The following FOXP1 variants were observed in gnomAD, a reference collection of about 807,000 sequenced individuals.
FOXP1 encodes forkhead box protein P1.
FOXP1 carries 15 observed loss-of-function variants against 98.2 expected under a neutral mutation model. The observed-to-expected ratio is 0.15, with a 90% confidence interval of 0.10 to 0.24. FOXP1 has a LOEUF of 0.24. Among genes scored for constraint, FOXP1 ranks in the 10% least tolerant of loss-of-function variants. FOXP1 has a pLI of 1.00. For missense variants in FOXP1, 633 were observed against 848.5 expected, an observed-to-expected ratio of 0.75 and a Z score of 3.15; for synonymous variants, 371 against 314.5, an observed-to-expected ratio of 1.18 and a Z score of -1.90.
intron 7 of FOXP1, among the ~76,000 whole-genome samples, chr3:71,079,700 C>T (rs2054208240): frequency 6.6e-6 from 1 of 152,186 alleles, no homozygotes. Context: ...GGGTTATTCC[C>T]ACTTATTACC....
chr3:71,506,173 T>C (rs1215867280), intron 2 of FOXP1, among the ~76,000 whole-genome samples: 1 of 152,190 alleles, frequency 6.6e-6, no homozygotes, highest in East Asian at 1.9e-4. Context: ...CCACTGAGCC[T>C]TAGTTCGCAG....
intron 20 of FOXP1, among the ~76,000 whole-genome samples, chr3:70,960,736 C>T (rs2033193511): frequency 6.6e-6 from 1 of 152,056 alleles, no homozygotes; most frequent in African/African-American, 2.4e-5. Context: ...CAGAGGAGTG[C>T]TTTGGACTGC....
At chr3:71,162,099 T>C (rs1478854932) in intron 6 of FOXP1, among the ~76,000 whole-genome samples, 4 of 152,202 alleles carry the variant, frequency 2.6e-5, no homozygotes, top group African/African-American at 7.2e-5. Context: ...CCAATCGAAG[T>C]AGACACCAAG....
chr3:71,009,536 A>C (rs1252191614), intron 12 of FOXP1, among the ~76,000 whole-genome samples: 1 of 152,116 alleles, frequency 6.6e-6, no homozygotes, highest in East Asian at 1.9e-4. Context: ...TCTGATTAAA[A>C]CATTCTATTA....
chr3:70,960,355 C>A (rs564463827), intron 20 of FOXP1, among the ~76,000 whole-genome samples: 17 of 152,250 alleles, frequency 1.1e-4, no homozygotes, highest in Non-Finnish European at 2.2e-4. Context: ...GTAGCAGCCA[C>A]TGGGATGAGC....
chr3:71,056,301 A>C (rs1194907365), intron 7 of FOXP1, among the ~76,000 whole-genome samples: 2 of 152,240 alleles, frequency 1.3e-5, no homozygotes, highest in Admixed American at 6.5e-5. Flanking sequence ...CAATAATAAA[A>C]GGGGGAATCA....
intron 4 of FOXP1, among the ~76,000 whole-genome samples, chr3:71,325,206 C>A (rs2075617962): frequency 6.6e-6 from 1 of 152,104 alleles, no homozygotes; most frequent in Non-Finnish European, 1.5e-5. Flanking sequence ...GCATAAACCA[C>A]CACACCCGGA....
At position 71,346,849 on chromosome 3, in the gene FOXP1, T is replaced by A. The variant is rs1205955945; in HGVS notation, c.-73+12301A>T. Among the ~76,000 whole-genome samples, 3 of 152,082 alleles carry A rather than the reference T, an allele frequency of 2.0e-5. No homozygotes were observed. The South Asian group carries it at 6.2e-4, about 32-fold the overall frequency. On this transcript the variant is annotated intron_variant, in intron 4 of 20. Transcript: ENST00000649528. Reference sequence around the variant, plus strand: ...TCATGAGGTCAAGAGATAGAGACTATCCTGGCTAACATGGTGAAACCCGTC... The same window carrying A: ...TCATGAGGTCAAGAGATAGAGACTAACCTGGCTAACATGGTGAAACCCGTC...
At chr3:71,123,892 C>T (rs1028746038) in intron 6 of FOXP1, among the ~76,000 whole-genome samples, 1 of 152,094 alleles carries the variant, frequency 6.6e-6, no homozygotes, top group African/African-American at 2.4e-5. Context: ...TATTGCCAGA[C>T]AAGTACTAAA....
intron 4 of FOXP1, among the ~76,000 whole-genome samples, chr3:71,316,721 G>A (rs1298764343): frequency 4.6e-5 from 7 of 150,780 alleles, no homozygotes; most frequent in South Asian, 2.1e-4. Flanking sequence ...GCAGTGGTGC[G>A]ATCTCAGCTC....
At chr3:71,080,796 C>G (rs2054324890) in intron 7 of FOXP1, among the ~76,000 whole-genome samples, 1 of 152,180 alleles carries the variant, frequency 6.6e-6, no homozygotes, top group Admixed American at 6.5e-5. Context: ...TGAAGTCACT[C>G]CAAGCAACCA....
intron 2 of FOXP1, among the ~76,000 whole-genome samples, chr3:71,494,911 C>G (rs1168061492): frequency 7.2e-6 from 1 of 139,828 alleles, no homozygotes; most frequent in Non-Finnish European, 1.5e-5. Context: ...AAGTCTATGT[C>G]ACATAGAAAA....
intron 4 of FOXP1, among the ~76,000 whole-genome samples, chr3:71,316,172 T>C (rs2075062261): frequency 6.6e-6 from 1 of 152,066 alleles, no homozygotes; most frequent in Non-Finnish European, 1.5e-5. Flanking sequence ...AGGGATGGTG[T>C]TTAATTGCTA....
At chr3:71,308,603 T>C (rs1337753983) in intron 4 of FOXP1, among the ~76,000 whole-genome samples, 1 of 152,034 alleles carries the variant, frequency 6.6e-6, no homozygotes, top group African/African-American at 2.4e-5. Context: ...AGGTTCCAAC[T>C]AAAACTGGAA....
chr3:71,316,142 T>C (rs975588784), intron 4 of FOXP1, among the ~76,000 whole-genome samples: 2 of 152,188 alleles, frequency 1.3e-5, no homozygotes, highest in Non-Finnish European at 2.9e-5. Flanking sequence ...GGCTCGTCAC[T>C]GGTACAAGGT....
At position 71,131,081 on chromosome 3, in the gene FOXP1, A is replaced by G. The variant is rs188726807; in HGVS notation, c.181-18444T>C. 9.8e-4 allele frequency: 267 copies of G among 272,498 alleles called. 1 individual carries two copies. Among genetic ancestry groups the G allele is most frequent in the Non-Finnish European group, 1.3e-3 (230 of 178,446 alleles). The allele number at this position is 272,498 out of a possible 1,614,324, so 16.9% of individuals were successfully genotyped here. ...AAAAAAGAAGAAGAAGAAAATTCAG[A>G]TTTTGCAGACTTTAGAGGATTTTGT... On this transcript the variant is annotated intron_variant, in intron 6 of 20. Transcript: ENST00000649528.
At chr3:71,541,846 A>C (rs2044852609) in intron 2 of FOXP1, 1 of 423,748 alleles carries the variant, frequency 2.4e-6, no homozygotes, top group Non-Finnish European at 4.7e-6. Context: ...AACAAACAAA[A>C]AAACACCTTC....
chr3:71,423,463 C>T (rs1054152742), intron 3 of FOXP1, among the ~76,000 whole-genome samples: 5 of 152,176 alleles, frequency 3.3e-5, no homozygotes, highest in African/African-American at 7.2e-5. Context: ...GTCCTAAAGG[C>T]GTGTCCTCTG....
chr3:71,338,018 T>C (rs1231355644), intron 4 of FOXP1, among the ~76,000 whole-genome samples: 3 of 152,162 alleles, frequency 2.0e-5, no homozygotes, highest in South Asian at 2.1e-4. Flanking sequence ...GCTGAGCTCA[T>C]AGTAAGTATT....
Sources: allele counts gnomAD v4.1 joint callset (sites outside exome capture counted in the v4.1 genomes callset), GRCh38; gene constraint gnomAD v4.1.1; transcripts MANE v1.5; gene names NCBI Gene and HGNC (gene_info 2026-07-23, HGNC 2026-07-21).